FHIT: variants seen among roughly 807,000 people sequenced by gnomAD.
FHIT encodes the protein fragile histidine triad diadenosine triphosphatase.
Under a neutral mutation model 17.9 loss-of-function variants are expected in FHIT, and 19 were observed. The observed-to-expected ratio is 1.06, with a 90% CI of 0.74 to 1.56. FHIT has a LOEUF of 1.56. Ranked by LOEUF, FHIT falls within the 40% of genes most tolerant of loss-of-function variation. FHIT has a pLI of 0.00. For synonymous variants in FHIT, 81 were observed against 69.7 expected, an observed-to-expected ratio of 1.16 and a Z score of -0.81; for missense variants, 248 against 189.2, an observed-to-expected ratio of 1.31 and a Z score of -1.82.
At chr3:59,970,691 T>G (rs1291932076) in intron 7 of FHIT, among the ~76,000 whole-genome samples, 2 of 152,106 alleles carry the variant, frequency 1.3e-5, no homozygotes, top group Non-Finnish European at 2.9e-5. Context: ...TTTTCCCTTC[T>G]GCTACTCATC....
chr3:60,441,041 T>G (rs1283876964), intron 5 of FHIT, among the ~76,000 whole-genome samples: 3 of 152,112 alleles, frequency 2.0e-5, no homozygotes, highest in African/African-American at 7.2e-5. Flanking sequence ...GTTCACCCCT[T>G]TTGTTTTTGC....
intron 3 of FHIT, among the ~76,000 whole-genome samples, chr3:60,923,700 G>A (rs1176675786): frequency 9.2e-5 from 14 of 151,974 alleles, no homozygotes; most frequent in African/African-American, 1.5e-4. Flanking sequence ...GAGGAGTGTC[G>A]GACAGTGGGT....
intron 4 of FHIT, among the ~76,000 whole-genome samples, chr3:60,668,554 C>CTTT (rs71092627): frequency 7.8e-4 from 43 of 54,830 alleles, no homozygotes; most frequent in African/African-American, 1.8e-3. Flanking sequence ...CCAGCTCATT[C>CTTT]TTTTTTTTTT....
chr3:59,919,072 T>C (rs527278099), intron 8 of FHIT, among the ~76,000 whole-genome samples: 1 of 152,162 alleles, frequency 6.6e-6, no homozygotes, highest in Non-Finnish European at 1.5e-5. Context: ...CACCCAAACA[T>C]TGCAATACTG....
In FHIT at chr3:60,693,790, G is replaced by C. The variant is rs558545586; in HGVS notation, c.-18+128129C>G. 3.9e-5 allele frequency among the ~76,000 whole-genome samples: 6 copies of C among 152,258 alleles called. No homozygotes were observed. The East Asian group carries it at 1.2e-3, about 29-fold the overall frequency. On this transcript the variant is annotated intron_variant, in intron 4 of 9. Transcript: ENST00000492590. ...TAAACTCATTCATCTGTAAGTACTA[G>C]ATATTACAACATCAGGCTTCTCACT...
intron 8 of FHIT, among the ~76,000 whole-genome samples, chr3:59,909,634 A>G (rs1016169337): frequency 2.6e-4 from 40 of 152,274 alleles, no homozygotes; most frequent in Non-Finnish European, 3.2e-4. Flanking sequence ...GAGTAGAAAT[A>G]CCAAAAAAGT....
chr3:60,133,012 A>G (rs924380812), intron 5 of FHIT, among the ~76,000 whole-genome samples: 4 of 152,166 alleles, frequency 2.6e-5, no homozygotes, highest in Non-Finnish European at 5.9e-5. Flanking sequence ...ACAGATTTAA[A>G]TATAGCAGTG....
chr3:60,900,198 A>G (rs1158903203), intron 3 of FHIT, among the ~76,000 whole-genome samples: 1 of 152,190 alleles, frequency 6.6e-6, no homozygotes. Flanking sequence ...GTCAAGAGGC[A>G]GAGTAATGGG....
chr3:60,939,227 G>A (rs1405985096), intron 3 of FHIT, among the ~76,000 whole-genome samples: 1 of 152,072 alleles, frequency 6.6e-6, no homozygotes, highest in African/African-American at 2.4e-5. Flanking sequence ...TGATTCTCTT[G>A]CACGCACTTG....
At chr3:59,957,897 G>A (rs1707481894) in intron 7 of FHIT, among the ~76,000 whole-genome samples, 1 of 152,174 alleles carries the variant, frequency 6.6e-6, no homozygotes, top group South Asian at 2.1e-4. Context: ...AGACATGACA[G>A]CAAAACTAGA....
intron 5 of FHIT, among the ~76,000 whole-genome samples, chr3:60,018,152 G>C (rs1248512505): frequency 6.6e-6 from 1 of 152,184 alleles, no homozygotes; most frequent in Non-Finnish European, 1.5e-5. Context: ...AGAAGTGGAA[G>C]GGAAAACAGT....
intron 4 of FHIT, among the ~76,000 whole-genome samples, chr3:60,718,754 T>C (rs1014084473): frequency 9.8e-5 from 15 of 152,338 alleles, no homozygotes; most frequent in African/African-American, 3.6e-4. Context: ...TTGGTCATTC[T>C]AAGGTCCAAT....
intron 2 of FHIT, among the ~76,000 whole-genome samples, chr3:61,110,201 T>A (rs954178793): frequency 1.3e-5 from 2 of 152,178 alleles, no homozygotes; most frequent in East Asian, 3.9e-4. Context: ...GCCGCTTTTC[T>A]CTTGCCCTGC....
intron 3 of FHIT, among the ~76,000 whole-genome samples, chr3:60,842,587 G>C (rs1316067925): frequency 1.5e-5 from 2 of 136,702 alleles, no homozygotes; most frequent in African/African-American, 5.6e-5. Context: ...AGAACCTAGA[G>C]AAATTAAATG....
At chr3:60,348,823 G>T (rs1576515572) in intron 5 of FHIT, among the ~76,000 whole-genome samples, 1 of 152,182 alleles carries the variant, frequency 6.6e-6, no homozygotes, top group East Asian at 1.9e-4. Context: ...CTTCCTATTT[G>T]CCATCAGCAT....
At chr3:60,103,465 T>C (rs571397895) in intron 5 of FHIT, among the ~76,000 whole-genome samples, 18 of 152,066 alleles carry the variant, frequency 1.2e-4, no homozygotes, top group African/African-American at 3.9e-4. Context: ...CACGATAAAT[T>C]TGTGAAGAAA....
intron 5 of FHIT, among the ~76,000 whole-genome samples, chr3:60,520,975 GA>G (rs922290681): frequency 1.3e-5 from 2 of 151,984 alleles, no homozygotes; most frequent in Non-Finnish European, 2.9e-5. Context: ...AAAAAAAAAG[GA>G]AAAAGGCTCA....
chr3:60,193,542 A>C (rs1462134309), intron 5 of FHIT, among the ~76,000 whole-genome samples: 1 of 152,242 alleles, frequency 6.6e-6, no homozygotes, highest in Non-Finnish European at 1.5e-5. Flanking sequence ...GACAACTCTC[A>C]AACACAGGGA....
chr3:60,357,436 G>C (rs1699720855), intron 5 of FHIT, among the ~76,000 whole-genome samples: 2 of 151,990 alleles, frequency 1.3e-5, no homozygotes, highest in African/African-American at 4.8e-5. Flanking sequence ...GTAGAGACAG[G>C]GTTTCGCTAT....
Sources: gnomAD v4.1 joint callset for allele counts (sites outside exome capture counted in the v4.1 genomes callset) on GRCh38, gnomAD v4.1.1 for gene constraint, MANE v1.5 for transcripts, NCBI Gene and HGNC (gene_info 2026-07-23, HGNC 2026-07-21) for gene names.